Variants in FRMD4A observed in about 807,000 individuals in gnomAD.
FRMD4A encodes FERM domain-containing protein 4A.
A neutral mutation model predicts 129.1 loss-of-function variants in FRMD4A; 29 were observed. That is an observed-to-expected ratio of 0.22 (90% CI 0.17 to 0.31). FRMD4A has a LOEUF of 0.31. FRMD4A is among the 10% of genes least tolerant of loss of function. The probability of loss-of-function intolerance (pLI) is 1.00; values close to 1 mark genes in which losing one functional copy is unlikely to be tolerated. For synonymous variants in FRMD4A, 634 were observed against 571.6 expected (o/e 1.11, Z -1.56); for missense variants, 1,272 against 1,375.8 (o/e 0.92, Z 1.19).
chr10:14,013,536 G>A (rs1349697368), intron 2 of FRMD4A, among the ~76,000 whole-genome samples: 2 of 152,146 alleles, frequency 1.3e-5, no homozygotes, highest in Non-Finnish European at 2.9e-5. Flanking sequence ...TTGGACCAGG[G>A]AATTGCAGAG....
At chr10:14,249,708 A>AGG (rs1432633718) in intron 2 of FRMD4A, among the ~76,000 whole-genome samples, 62 of 152,372 alleles carry the variant, frequency 4.1e-4, no homozygotes, top group Admixed American at 4.1e-3. Flanking sequence ...ATTATTCTTA[A>AGG]GGGAAAAAAC....
chr10:13,998,641 G>A lies in FRMD4A; in HGVS notation c.46-139729C>T, dbSNP rs1193124122. On this transcript the variant is annotated intron_variant, in intron 2 of 24. Coordinates refer to ENST00000357447, the MANE Select transcript of FRMD4A (RefSeq NM_018027.5). Reference sequence around the variant, plus strand: ...TAAGCGTCAGCTGCAGTCTACAGCTGCTCAGGGGGCCGTTCTTGACTCCTG... The same window carrying A: ...TAAGCGTCAGCTGCAGTCTACAGCTACTCAGGGGGCCGTTCTTGACTCCTG... 2.6e-5 allele frequency among the ~76,000 whole-genome samples: 4 copies of A among 152,240 alleles called. No homozygotes were observed. In the East Asian group the frequency reaches 5.8e-4, roughly 22 times the overall value.
At chr10:14,024,934 G>A (rs1832920107) in intron 2 of FRMD4A, among the ~76,000 whole-genome samples, 1 of 152,248 alleles carries the variant, frequency 6.6e-6, no homozygotes, top group Non-Finnish European at 1.5e-5. Context: ...TTGTCGAACG[G>A]GGGCAGTGGG....
At chr10:13,891,637 C>T (rs2094697885) in intron 2 of FRMD4A, 1 of 985,300 alleles carries the variant, frequency 1.0e-6, no homozygotes, top group Non-Finnish European at 1.2e-6. Context: ...TTATTTTTTG[C>T]GCTTCCAAGG....
chr10:13,806,552 C>T (rs909241524), intron 4 of FRMD4A, among the ~76,000 whole-genome samples: 3 of 152,166 alleles, frequency 2.0e-5, no homozygotes, highest in Admixed American at 1.3e-4. Flanking sequence ...CAACATTCAA[C>T]GCTGAAGTAG....
chr10:13,926,556 T>C (rs947248883), intron 2 of FRMD4A, among the ~76,000 whole-genome samples: 1 of 152,256 alleles, frequency 6.6e-6, no homozygotes, highest in African/African-American at 2.4e-5. Context: ...GCAGGCTTTA[T>C]AATGTCATCT....
chr10:14,058,514 C>T (rs1166440934), intron 2 of FRMD4A, among the ~76,000 whole-genome samples: 1 of 152,158 alleles, frequency 6.6e-6, no homozygotes. Flanking sequence ...ATATGCAAGA[C>T]TCCATTTTCC....
chr10:13,847,089 T>C (rs1311798480), intron 3 of FRMD4A, among the ~76,000 whole-genome samples: 1 of 152,206 alleles, frequency 6.6e-6, no homozygotes, highest in Non-Finnish European at 1.5e-5. Context: ...TTCTAAAGCC[T>C]GGCCAATTTG....
intron 2 of FRMD4A, among the ~76,000 whole-genome samples, chr10:14,135,419 C>T (rs1048656956): frequency 1.3e-5 from 2 of 152,244 alleles, no homozygotes; most frequent in African/African-American, 2.4e-5. Flanking sequence ...CCATACCTTA[C>T]TGCCAGTTTC....
In FRMD4A at chr10:14,208,892, C is replaced by G. The variant is rs200964001; in HGVS notation, c.45+121166G>C. Reference sequence around the variant, plus strand: ...AAAGGCCGCTAAGTTGCTCCCTGAACTTTTTCCCCTCCCAAACTCTCCTGT... The same window carrying G: ...AAAGGCCGCTAAGTTGCTCCCTGAAGTTTTTCCCCTCCCAAACTCTCCTGT... On this transcript the variant is annotated intron_variant, in intron 2 of 24. Coordinates refer to ENST00000357447, the MANE Select transcript of FRMD4A (RefSeq NM_018027.5). 1.7e-4 allele frequency among the ~76,000 whole-genome samples: 26 copies of G among 152,240 alleles called. No individual in the cohort carries two copies. In the East Asian group the frequency reaches 4.1e-3, roughly 24 times the overall value.
intron 2 of FRMD4A, among the ~76,000 whole-genome samples, chr10:13,945,595 T>C (rs2095325632): frequency 6.6e-6 from 1 of 152,210 alleles, no homozygotes; most frequent in Admixed American, 6.5e-5. Flanking sequence ...GGCACCGCTG[T>C]CTGCAAATCT....
At chr10:14,207,448 C>G (rs1842814894) in intron 2 of FRMD4A, among the ~76,000 whole-genome samples, 1 of 152,076 alleles carries the variant, frequency 6.6e-6, no homozygotes, top group Non-Finnish European at 1.5e-5. Context: ...TGGACTGGAA[C>G]CAGTCCATGG....
rs1173931283 is a variant in FRMD4A at position 13,797,848 on chromosome 10, AAG to A, written c.207-1262_207-1261del. ...ACATGCTTAAACCTCCAACAAAGGA[AAG>A]AGAGAAAACACACAAGTGACTTCCA... On this transcript the variant is annotated intron_variant, in intron 4 of 24. Transcript: ENST00000357447. Among the ~76,000 whole-genome samples the A allele has an allele frequency of 9.9e-5, 15 of 152,240 alleles. No individual in the cohort carries two copies. The East Asian group carries it at 2.1e-3, about 22-fold the overall frequency.
intron 6 of FRMD4A, among the ~76,000 whole-genome samples, chr10:13,774,753 A>G (rs909215907): frequency 6.6e-6 from 1 of 152,232 alleles, no homozygotes; most frequent in East Asian, 1.9e-4. Flanking sequence ...GACCAGGGCC[A>G]GCAGACAACT....
At chr10:13,945,668 A>G (rs1402287773) in intron 2 of FRMD4A, among the ~76,000 whole-genome samples, 2 of 152,178 alleles carry the variant, frequency 1.3e-5, no homozygotes, top group Non-Finnish European at 2.9e-5. Context: ...AAAGTGTGTT[A>G]TATAAGCTGG....
At chr10:13,868,500 T>TA (rs891437109) in intron 2 of FRMD4A, among the ~76,000 whole-genome samples, 7 of 152,058 alleles carry the variant, frequency 4.6e-5, no homozygotes, top group East Asian at 3.9e-4. Context: ...CTCCTGGATT[T>TA]AAAAAAACAT....
intron 12 of FRMD4A, among the ~76,000 whole-genome samples, chr10:13,727,541 G>T (rs752881648): frequency 2.6e-4 from 39 of 152,136 alleles, no homozygotes; most frequent in Admixed American, 2.5e-3. Flanking sequence ...GCCATGTTGG[G>T]ACTGCATCAG....
chr10:14,205,712 T>C (rs1490160006), intron 2 of FRMD4A, among the ~76,000 whole-genome samples: 1 of 139,962 alleles, frequency 7.1e-6, no homozygotes, highest in Admixed American at 8.0e-5. Flanking sequence ...GAGGCTGAGG[T>C]GGGAGAATCA....
chr10:13,725,033 T>G (rs1375103697), intron 12 of FRMD4A, among the ~76,000 whole-genome samples: 2 of 152,222 alleles, frequency 1.3e-5, no homozygotes, highest in East Asian at 3.8e-4. Flanking sequence ...ACCACTTTCT[T>G]CTGGAAAACT....
Sources: allele counts gnomAD v4.1 joint callset (sites outside exome capture counted in the v4.1 genomes callset), GRCh38; gene constraint gnomAD v4.1.1; transcripts MANE v1.5; gene names NCBI Gene and HGNC (gene_info 2026-07-23, HGNC 2026-07-21).